MED23: variants seen among roughly 807,000 people sequenced by gnomAD.
MED23 encodes mediator of RNA polymerase II transcription subunit 23.
Under a neutral mutation model 163.9 loss-of-function variants are expected in MED23, and 105 were observed. That is an observed-to-expected ratio of 0.64 (90% CI 0.55 to 0.75). The LOEUF (loss-of-function observed/expected upper bound fraction) is 0.75. Among genes scored for constraint, MED23 ranks in the 30% least tolerant of loss-of-function variants. The pLI, the probability that MED23 is intolerant of heterozygous loss-of-function variation, is 0.00. For synonymous variants in MED23, 561 were observed against 565.6 expected, an observed-to-expected ratio of 0.99 and a Z score of 0.12; for missense variants, 1,054 against 1,649.0, an observed-to-expected ratio of 0.64 and a Z score of 6.25.
chr6:131,581,167 T>G, intron 30 of MED23: 2 of 1,568,584 alleles, frequency 1.3e-6, no homozygotes, highest in Non-Finnish European at 8.8e-7. Context: ...TAATATGATG[T>G]ATGTAGTGAC....
At chr6:131,609,236 A>C (rs1466203157) in intron 11 of MED23, among the ~76,000 whole-genome samples, 7 of 152,134 alleles carry the variant, frequency 4.6e-5, no homozygotes, top group Non-Finnish European at 1.0e-4. Context: ...TTGCCTCCAA[A>C]ACAAAATCTA....
rs1441486160 is a variant in MED23, at chr6:131,581,230, G to C, written c.4095+6479C>G. On this transcript the variant is annotated intron_variant, in intron 30 of 30. Coordinates refer to the MED23 transcript ENST00000354577. ...TTTTTCCCCAAAAGTTTGGCAATTG[G>C]AAGCATCTCTGGCCATGCCAGGGTC... The C allele has an allele frequency of 1.9e-6, 3 of 1,613,866 alleles. No homozygotes were observed. In the Admixed American group the frequency reaches 5.0e-5, roughly 27 times the overall value.
chr6:131,592,929 T>C (rs1774754933), intron 24 of MED23, 77 bp downstream of exon 24: 6 of 1,549,936 alleles, frequency 3.9e-6, no homozygotes, highest in Admixed American at 3.3e-5. Context: ...AACAGGTTTG[T>C]CTTAAAAGTT....
rs773037666 is a variant in MED23, at chr6:131,598,719, T to G, written c.2263A>C (p.Asn755His). 6.2e-7 allele frequency: 1 copy of G among 1,614,132 alleles called. No individual in the cohort carries two copies. Among genetic ancestry groups the G allele is most frequent in the Non-Finnish European group, 8.5e-7 (1 of 1,180,012 alleles). The change falls in exon 19 of 29, where the codon AAT (asparagine) becomes CAT (histidine). Residue 755 changes from asparagine to histidine, a missense_variant. Transcript: ENST00000368068. This position sits in a 1 kb window ranked among gnomAD's most constrained non-coding sequence, Gnocchi z 4.7. Reference sequence around the variant, plus strand: ...TCCTCCTCCACATTTTTTTTCAGATTAAAACGGCTTTCCTGAGGCACATTA... The same window carrying G: ...TCCTCCTCCACATTTTTTTTCAGATGAAAACGGCTTTCCTGAGGCACATTA... ...QNNVPQESRF[N>H]LKKNVEEEYR...
At chr6:131,594,825 C>A (rs986313225) in intron 22 of MED23, among the ~76,000 whole-genome samples, 5 of 151,754 alleles carry the variant, frequency 3.3e-5, no homozygotes, top group Non-Finnish European at 7.4e-5. Context: ...AACAAACAAA[C>A]AAACAAACAA....
chr6:131,591,652 C>T (rs1774646538), intron 25 of MED23, 125 bp from the exon 26 acceptor site: 2 of 769,454 alleles, frequency 2.6e-6, no homozygotes, highest in Non-Finnish European at 4.4e-6. Context: ...CACAATACAG[C>T]TGGGTGGCTT....
intron 1 of MED23, 42 bp downstream of exon 1, chr6:131,627,969 G>T: frequency 6.2e-7 from 1 of 1,613,200 alleles, no homozygotes; most frequent in Non-Finnish European, 8.5e-7. Flanking sequence ...GCGTCTCCCC[G>T]TCCCCAAGCC....
downstream of MED23, chr6:131,584,363 AACACACACACACACAC>A (rs3138772): frequency 6.4e-3 from 1,015 of 158,406 alleles, 17 homozygotes; most frequent in African/African-American, 0.024. Flanking sequence ...AAATACATGC[AACACACACACACACAC>A]ACACACACAC....
At chr6:131,610,396 G>A in intron 10 of MED23, 150 bp from the exon 11 acceptor site, 2 of 753,856 alleles carry the variant, frequency 2.7e-6, no homozygotes, top group Non-Finnish European at 4.5e-6. Context: ...GTCTATTAAA[G>A]CTGCATCATG....
At chr6:131,603,228 G>A (rs754170309) in intron 15 of MED23, 24 bp from the exon 16 acceptor site, 1 of 1,610,566 alleles carries the variant, frequency 6.2e-7, no homozygotes, top group South Asian at 1.1e-5. Flanking sequence ...ACAATTTAAG[G>A]TACCAATTAT....
At chr6:131,588,567 A>G (rs1774344900) in intron 28 of MED23, among the ~76,000 whole-genome samples, 1 of 152,250 alleles carries the variant, frequency 6.6e-6, no homozygotes. Flanking sequence ...TTGTAACAAA[A>G]GCAGATACAA....
intron 15 of MED23, among the ~76,000 whole-genome samples, chr6:131,603,405 G>A (rs1272237966): frequency 2.0e-5 from 3 of 152,068 alleles, no homozygotes; most frequent in Non-Finnish European, 4.4e-5. Flanking sequence ...TATCAAGTTT[G>A]CTTTTTTCCT....
downstream of MED23, chr6:131,584,030 G>C: frequency 8.9e-7 from 1 of 1,121,030 alleles, no homozygotes; most frequent in Non-Finnish European, 1.3e-6. Flanking sequence ...TTTCCAATTA[G>C]TATAAACTCT....
chr6:131,602,226 T>C lies in MED23; in HGVS notation c.2087A>G (p.His696Arg), dbSNP rs748660852. The stretch of plus-strand genomic sequence containing the variant: ...TCACATATTCACCGTACCTGTTACA[T>C]GAGTTGCTCTAGCCAAGGTCAATAT... ...ALILTLARAT[H>R]VTDFFTGSDS... The change falls in exon 17 of 29, where the codon CAT becomes CGT. Residue 696 changes from histidine (H) to arginine (R), a missense_variant. Coordinates refer to ENST00000368068, the MANE Select transcript of MED23 (RefSeq NM_004830.4). 1 of 1,613,846 alleles carries C rather than the reference T, an allele frequency of 6.2e-7. No homozygotes were observed. The highest frequency in any genetic ancestry group is 8.5e-7 in the Non-Finnish European group (1 of 1,179,744).
chr6:131,583,307 TG>T (rs1562361184), downstream of MED23: 8 of 1,612,918 alleles, frequency 5.0e-6, no homozygotes, highest in Non-Finnish European at 6.8e-6. Context: ...ATCTATGAAA[TG>T]TGAAGCCATC....
rs546302781 is a variant in MED23, at chr6:131,596,217, TA to T, written c.2779-55del. On this transcript the variant is annotated intron_variant, in intron 21 of 28. Transcript: ENST00000368068. ...TAGAGCATTTTTTAAAAAATTCTCTTAAAAGAGCTAAATGTGAAAACATTGT... is the reference window on the plus strand; with the variant it reads ...TAGAGCATTTTTTAAAAAATTCTCTTAAAGAGCTAAATGTGAAAACATTGT... 2.7e-3 allele frequency: 3,897 copies of T among 1,453,938 alleles called. 12 individuals carry two copies. Among genetic ancestry groups the T allele is most frequent in the Non-Finnish European group, 3.3e-3 (3,440 of 1,035,962 alleles). The allele number at this position is 1,453,938 out of a possible 1,614,324, so 90.1% of individuals were successfully genotyped here.
intron 9 of MED23, among the ~76,000 whole-genome samples, chr6:131,617,675 T>C (rs995145241): frequency 6.6e-5 from 10 of 152,146 alleles, no homozygotes; most frequent in Non-Finnish European, 1.3e-4. Flanking sequence ...AAAGTGACTG[T>C]TTTACAAAGA....
Position 131,600,163 on chromosome 6 carries a change from C to T in MED23, c.2096-1G>A. 6.2e-7 allele frequency: 1 copy of T among 1,604,518 alleles called. No homozygotes were observed. Among genetic ancestry groups the T allele is most frequent in the Middle Eastern group, 1.7e-4 (1 of 6,042 alleles). The stretch of plus-strand genomic sequence containing the variant: ...ATTGAATCAGAGCCTGTAAAAAAAT[C>T]TAAACATAAACAAATAGATGTAATC... On this transcript the variant is annotated splice_acceptor_variant, in intron 17 of 28. Transcript: ENST00000368068. LOFTEE classifies it high-confidence loss of function.
chr6:131,615,207 G>T, intron 10 of MED23: 1 of 1,169,608 alleles, frequency 8.5e-7, no homozygotes, highest in Non-Finnish European at 1.3e-6. Context: ...CTTGGTCTCA[G>T]CATGGTCCTG....
Sources: allele counts gnomAD v4.1 joint callset (sites outside exome capture counted in the v4.1 genomes callset), GRCh38; gene constraint gnomAD v4.1.1; non-coding constraint Gnocchi (gnomAD v3.1); transcripts MANE v1.5; gene names NCBI Gene and HGNC (gene_info 2026-07-23, HGNC 2026-07-21).